The following UNKL variants were observed in gnomAD, a reference collection of about 807,000 sequenced individuals.
The protein encoded by UNKL is putative E3 ubiquitin-protein ligase UNKL.
UNKL carries 60 observed loss-of-function variants against 78.0 expected under a neutral mutation model. That is an observed-to-expected ratio of 0.77 (90% confidence interval 0.63 to 0.95). The LOEUF (loss-of-function observed/expected upper bound fraction) is 0.95, where lower values mean the gene tolerates loss of function less well. UNKL is among the 40% of genes least tolerant of loss of function. The pLI is 0.00. For missense variants in UNKL, 1,159 were observed against 1,045.7 expected, an observed-to-expected ratio of 1.11 and a Z score of -1.49; for synonymous variants, 608 against 474.8, an observed-to-expected ratio of 1.28 and a Z score of -3.65.
At position 1,365,496 on chromosome 16, in the gene UNKL, C is replaced by T. The variant is rs2035170257; in HGVS notation, c.*744G>A. 6.6e-6 allele frequency: 1 copy of T among 152,532 alleles called. No homozygotes were observed. Among genetic ancestry groups the T allele is most frequent in the African/African-American group, 2.4e-5 (1 of 41,448 alleles). 9.4% of individuals were successfully genotyped at this position (152,532 alleles called of 1,614,324 possible). On this transcript the variant is annotated 3_prime_UTR_variant, in exon 15 of 15. Coordinates refer to ENST00000389221, the MANE Select transcript of UNKL (RefSeq NM_001372107.1). ...AGGACGGAGCTCTCCTGCTCCCACG[C>T]CACGAGGCTGGAACATCAGCCCCAG...
intron 4 of UNKL, 196 bp downstream of exon 4, chr16:1,401,372 G>A (rs2037516722): frequency 3.4e-6 from 2 of 584,076 alleles, no homozygotes; most frequent in Non-Finnish European, 5.2e-6. Context: ...TGCGGGGGAA[G>A]GCGCCTGGGC....
intron 10 of UNKL, among the ~76,000 whole-genome samples, chr16:1,380,255 T>C (rs1354580591): frequency 6.6e-6 from 1 of 151,258 alleles, no homozygotes; most frequent in Non-Finnish European, 1.5e-5. Context: ...ACAGTACACC[T>C]ACAACCTGAA....
At chr16:1,381,178 G>A (rs532829651) in intron 10 of UNKL, among the ~76,000 whole-genome samples, 5 of 152,342 alleles carry the variant, frequency 3.3e-5, no homozygotes, top group South Asian at 4.1e-4. Context: ...CTTTCCACCC[G>A]AGTGAGCACA....
At chr16:1,383,283 A>G (rs1051638491) in intron 10 of UNKL, among the ~76,000 whole-genome samples, 1 of 147,442 alleles carries the variant, frequency 6.8e-6, no homozygotes, top group African/African-American at 2.7e-5. Context: ...AAAAAAAAAA[A>G]AAAAACAAAA....
In UNKL at chr16:1,370,364, G is replaced by A. The variant is rs536098693; in HGVS notation, c.1358-7C>T. 5.9e-6 allele frequency: 9 copies of A among 1,531,830 alleles called. No homozygotes were observed. The East Asian group carries it at 7.3e-5, about 13-fold the overall frequency. 94.9% of individuals were successfully genotyped at this position (1,531,830 alleles called of 1,614,324 possible). On this transcript the variant is annotated splice_region_variant and splice_polypyrimidine_tract_variant and intron_variant, in intron 11 of 14. Coordinates refer to ENST00000389221, the MANE Select transcript of UNKL (RefSeq NM_001372107.1). ...CCGGCCAGCGACCTGGGACCTGGCGGGGGCGGACCAGTCAGCGAAGGGAGT... is the reference window on the plus strand; with the variant it reads ...CCGGCCAGCGACCTGGGACCTGGCGAGGGCGGACCAGTCAGCGAAGGGAGT...
chr16:1,375,416 G>A lies in UNKL; in HGVS notation c.1265-3805C>T, dbSNP rs1294302450. On this transcript the variant is annotated intron_variant, in intron 10 of 14. Transcript: ENST00000389221. ...ACAGCACGACCCAGACTCAACCCTCGTCCACACGCCAGCCGTGAGGGAATT... is the reference window on the plus strand; with the variant it reads ...ACAGCACGACCCAGACTCAACCCTCATCCACACGCCAGCCGTGAGGGAATT... Among the ~76,000 whole-genome samples, 4 of 152,222 alleles carry A rather than the reference G, an allele frequency of 2.6e-5. No individual in the cohort carries two copies. In the South Asian group the frequency reaches 6.2e-4, roughly 24 times the overall value.
intron 1 of UNKL, 24 bp downstream of exon 1, chr16:1,414,591 G>A (rs1485484911): frequency 2.0e-6 from 2 of 1,017,454 alleles, no homozygotes; most frequent in South Asian, 3.9e-5. Flanking sequence ...CGGGCGGGGG[G>A]CCGCAGGCCG....
chr16:1,412,186 G>A (rs1262129674), intron 2 of UNKL: 1 of 152,192 alleles, frequency 6.6e-6, no homozygotes, highest in Non-Finnish European at 1.5e-5. Flanking sequence ...TATATAATCT[G>A]ACTTGTATTT....
rs757572366 is a variant in UNKL, at chr16:1,367,165, A to G, written c.1973T>C (p.Ile658Thr). ...TLPGLRGCGD[I>T]GTIPLPKLHS... ...CAGCTTCGGCAGGGGAATGGTGCCG[A>G]TGTCCCCACAGCCCCGCAGCCCCGG... is the stretch of plus-strand genomic sequence containing the variant. The change falls in exon 14 of 15, where the codon ATC (isoleucine) becomes ACC (threonine). Residue 658 changes from isoleucine (I) to threonine (T), a missense_variant. Physicochemically the swap from Ile to Thr is moderately conservative, Grantham distance 89 (BLOSUM62 -1). Transcript: ENST00000389221. 1 of 1,605,170 alleles carries G rather than the reference A, an allele frequency of 6.2e-7. No individual in the cohort carries two copies. Among genetic ancestry groups the G allele is most frequent in the African/African-American group, 1.3e-5 (1 of 74,746 alleles).
At chr16:1,390,504 A>T (rs2037002775) in intron 9 of UNKL, 128 bp downstream of exon 9, 2 of 962,448 alleles carry the variant, frequency 2.1e-6, no homozygotes, top group African/African-American at 1.7e-5. Context: ...TTGCGAGCCG[A>T]GAGTGGGCGG....
At chr16:1,401,523 G>GGGCGGCC in intron 4 of UNKL, 45 bp downstream of exon 4, 1 of 1,470,338 alleles carries the variant, frequency 6.8e-7, no homozygotes, top group Non-Finnish European at 9.1e-7. Flanking sequence ...CTCGCGCTGT[G>GGGCGGCC]CCCGCCCCCC....
Position 1,414,664 on chromosome 16 carries a change from C to A in UNKL, c.28G>T (p.Ala10Ser), listed in dbSNP as rs762323803. ...TGCGGGGGGGACCCGCTCAGCGCCG[C>A]TGCCGCCGCTTTCGAAACCGACGGC... MPSVSKAAA[A>S]ALSGSPPQTE... Residue 10 changes from alanine (A) to serine (S), a missense_variant, in exon 1 of 15, where the codon GCG (alanine) becomes TCG (serine). Transcript: ENST00000389221. 6.1e-6 allele frequency: 7 copies of A among 1,151,698 alleles called. No homozygotes were observed. The highest frequency in any genetic ancestry group is 6.4e-5 in the East Asian group (1 of 15,596). The allele number at this position is 1,151,698 out of a possible 1,614,324, so 71.3% of individuals were successfully genotyped here.
chr16:1,386,885 G>A (rs899219053), intron 9 of UNKL, among the ~76,000 whole-genome samples: 1 of 152,100 alleles, frequency 6.6e-6, no homozygotes, highest in Non-Finnish European at 1.5e-5. Context: ...GTCCCCTCCA[G>A]CTGCAAAGTC....
intron 7 of UNKL, among the ~76,000 whole-genome samples, chr16:1,393,545 G>A (rs2037137366): frequency 6.6e-6 from 1 of 152,214 alleles, no homozygotes; most frequent in Non-Finnish European, 1.5e-5. Context: ...ACTGGGGCTT[G>A]TTTCTGCTGC....
chr16:1,413,947 G>A lies in UNKL; in HGVS notation c.186C>T (p.Arg62=). The A allele has an allele frequency of 7.7e-6, 12 of 1,553,114 alleles. No individual in the cohort carries two copies. Among genetic ancestry groups the A allele is most frequent in the South Asian group, 2.4e-5 (2 of 84,282 alleles). ...CGTCGCGCCTGCGGAGGGGCCTGCG[G>A]CGCCGCTGGTTGAGGAAGTGCCAGT... ...CFHWHFLNQR[R]RRPLRRRDGT... is the part of the protein sequence containing the mutation. Residue 62 remains arginine (R), a synonymous_variant, in exon 2 of 15, where the codon CGC becomes CGT. Transcript: ENST00000389221.
rs2036770767 is a variant in UNKL, at chr16:1,385,356, G to A, written c.1116C>T (p.His372=). 1 of 1,414,876 alleles carries A rather than the reference G, an allele frequency of 7.1e-7. No homozygotes were observed. Among genetic ancestry groups the A allele is most frequent in the Non-Finnish European group, 9.2e-7 (1 of 1,087,908 alleles). The allele number at this position is 1,414,876 out of a possible 1,614,324, so 87.6% of individuals were successfully genotyped here. ...TGGAGCTCACGCTGGGGGCCGGCGG[G>A]TGGACCGCTGCAAACACGGCCAGGT... ...QNHLAVFAAV[H]PPAPSVSSSV... is the part of the protein sequence containing the mutation. The change falls in exon 10 of 15, where the codon CAC becomes CAT. Residue 372 remains histidine, a synonymous_variant. Transcript: ENST00000389221.
chr16:1,363,317 AAC>A lies in UNKL; in HGVS notation c.*2921_*2922del. On this transcript the variant is annotated 3_prime_UTR_variant, in exon 15 of 15. Transcript: ENST00000389221. ...AAAATTTAAACAAGTGTTAACTTTA[AAC>A]AGTTCGCTACAAGTAAATGATTATA... 1.8e-6 allele frequency: 1 copy of A among 556,570 alleles called. No homozygotes were observed. The highest frequency in any genetic ancestry group is 2.0e-5 in the South Asian group (1 of 50,368). 34.5% of individuals were successfully genotyped at this position (556,570 alleles called of 1,614,324 possible).
intron 10 of UNKL, among the ~76,000 whole-genome samples, chr16:1,375,149 G>GTAT (rs2036122097): frequency 2.0e-5 from 3 of 152,182 alleles, no homozygotes; most frequent in Admixed American, 2.0e-4. Context: ...GGCAGCCGGA[G>GTAT]TATCCTCGTG....
chr16:1,375,803 C>G (rs1007945790), intron 10 of UNKL, among the ~76,000 whole-genome samples: 1 of 152,196 alleles, frequency 6.6e-6, no homozygotes, highest in African/African-American at 2.4e-5. Context: ...CCATTCACTC[C>G]TCTCCTTCCC....
Sources: allele counts gnomAD v4.1 joint callset (sites outside exome capture counted in the v4.1 genomes callset), GRCh38; gene constraint gnomAD v4.1.1; transcripts MANE v1.5; gene names NCBI Gene and HGNC (gene_info 2026-07-23, HGNC 2026-07-21).